GABBR2: variants seen among roughly 807,000 people sequenced by gnomAD.
GABBR2 encodes gamma-aminobutyric acid type B receptor subunit 2, also known as G-protein coupled receptor 51.
GABBR2 carries 23 observed loss-of-function variants against 105.6 expected under a neutral mutation model. The ratio of observed to expected loss-of-function variants is 0.22; its 90% confidence interval spans 0.16 to 0.31. GABBR2 has a LOEUF of 0.31. GABBR2 is among the 10% of genes least tolerant of loss of function. The pLI is 1.00. For missense variants in GABBR2, 734 were observed against 1,245.5 expected, an observed-to-expected ratio of 0.59 and a Z score of 6.18; for synonymous variants, 478 against 499.7, an observed-to-expected ratio of 0.96 and a Z score of 0.58.
chr9:98,414,946 A>C (rs1832661510), intron 7 of GABBR2, among the ~76,000 whole-genome samples: 1 of 152,262 alleles, frequency 6.6e-6, no homozygotes, highest in African/African-American at 2.4e-5. Flanking sequence ...AAAGGCTAAC[A>C]ACCAGAAGGA....
At chr9:98,377,284 C>G (rs1471993663) in intron 11 of GABBR2, among the ~76,000 whole-genome samples, 6 of 152,054 alleles carry the variant, frequency 3.9e-5, no homozygotes, top group Admixed American at 1.3e-4. Flanking sequence ...GCTCTGTGGA[C>G]AGAAGACGTG....
rs560653816 is a variant in GABBR2, at chr9:98,454,616, A to C, written c.1000-399T>G. ...ATGTTAAAGTTATAGCATATGAACAAACTGTTCAAAAATATTCTCTATCTC... is the reference window on the plus strand; with the variant it reads ...ATGTTAAAGTTATAGCATATGAACACACTGTTCAAAAATATTCTCTATCTC... On this transcript the variant is annotated intron_variant, in intron 6 of 18. Coordinates refer to ENST00000259455, the MANE Select transcript of GABBR2 (RefSeq NM_005458.8). This position sits in a 1 kb window ranked among gnomAD's most constrained non-coding sequence, Gnocchi z 4.6. Among the ~76,000 whole-genome samples, 7 of 152,290 alleles carry C rather than the reference A, an allele frequency of 4.6e-5. No homozygotes were observed. Among genetic ancestry groups the C allele is most frequent in the Non-Finnish European group, 1.0e-4 (7 of 68,014 alleles).
intron 4 of GABBR2, among the ~76,000 whole-genome samples, chr9:98,487,615 T>C (rs551025118): frequency 1.3e-4 from 19 of 150,000 alleles, no homozygotes; most frequent in Non-Finnish European, 2.7e-4. Context: ...TCTCTACAAA[T>C]ATATATATAT....
intron 17 of GABBR2, among the ~76,000 whole-genome samples, chr9:98,297,252 A>C (rs961800482): frequency 3.3e-5 from 5 of 152,156 alleles, no homozygotes; most frequent in African/African-American, 1.2e-4. Context: ...TTTTGCAATA[A>C]CCATGTTATA....
chr9:98,333,688 C>A (rs1831066656), intron 13 of GABBR2, among the ~76,000 whole-genome samples: 1 of 152,288 alleles, frequency 6.6e-6, no homozygotes, highest in Non-Finnish European at 1.5e-5. Context: ...GCAAATAAGG[C>A]CACATTTCAC....
chr9:98,307,601 C>T (rs1830571610), intron 14 of GABBR2, among the ~76,000 whole-genome samples: 1 of 152,160 alleles, frequency 6.6e-6, no homozygotes, highest in Non-Finnish European at 1.5e-5. Flanking sequence ...CAGGGCTGGA[C>T]ACAAGGCCAG....
chr9:98,618,588 A>G (rs1241090779), intron 1 of GABBR2, among the ~76,000 whole-genome samples: 3 of 139,006 alleles, frequency 2.2e-5, no homozygotes, highest in Non-Finnish European at 3.1e-5. Context: ...CTCTCTGTCT[A>G]TCTCTGTCAC....
At chr9:98,631,439 C>T (rs2131828900) in intron 1 of GABBR2, among the ~76,000 whole-genome samples, 1 of 152,270 alleles carries the variant, frequency 6.6e-6, no homozygotes, top group Middle Eastern at 3.4e-3. Context: ...CTGCTATGTG[C>T]CAGCAACTAT....
At chr9:98,423,225 C>A (rs972842190) in intron 7 of GABBR2, among the ~76,000 whole-genome samples, 1 of 152,204 alleles carries the variant, frequency 6.6e-6, no homozygotes, top group Non-Finnish European at 1.5e-5. Context: ...TACAGTCCCA[C>A]CAACAGTGTA....
chr9:98,418,191 T>C (rs1014798578), intron 7 of GABBR2, among the ~76,000 whole-genome samples: 28 of 151,908 alleles, frequency 1.8e-4, no homozygotes, highest in African/African-American at 6.5e-4. Context: ...TGGGAAGCTG[T>C]GGAATCCATG....
intron 8 of GABBR2, among the ~76,000 whole-genome samples, chr9:98,396,885 G>A (rs575190853): frequency 1.3e-4 from 20 of 152,106 alleles, no homozygotes; most frequent in Non-Finnish European, 2.4e-4. Flanking sequence ...CCCACCGACC[G>A]TAATCACCAT....
Position 98,306,233 on chromosome 9 carries a change from C to A in GABBR2, c.2117G>T (p.Gly706Val). The A allele has an allele frequency of 1.2e-6, 2 of 1,614,138 alleles. No individual in the cohort carries two copies. Among genetic ancestry groups the A allele is most frequent in the Non-Finnish European group, 1.7e-6 (2 of 1,179,998 alleles). ...VYNVGIMCII[G>V]AAVSFLTRDQ... ...CCGGGTCAGGAAGGAGACAGCGGCC[C>A]CGATGATGCACATGATCCCCACGTT... Residue 706 changes from glycine to valine, a missense_variant, in exon 15 of 19, where the codon GGG becomes GTG. Gly to Val is a moderately radical substitution (Grantham distance 109). Transcript: ENST00000259455. The surrounding 1 kb of genome is among the most constrained non-coding windows in gnomAD (Gnocchi z 5.4).
chr9:98,559,797 A>T lies in GABBR2; in HGVS notation c.460-17754T>A, dbSNP rs145483751. 5.3e-5 allele frequency among the ~76,000 whole-genome samples: 8 copies of T among 152,326 alleles called. No individual in the cohort carries two copies. In the East Asian group the frequency reaches 1.5e-3, roughly 29 times the overall value. On this transcript the variant is annotated intron_variant, in intron 2 of 18. Transcript: ENST00000259455. ...TGTCCATCAGTAGAGGACTGGCTGT[A>T]CAAACTACAGTACATCCATACAAAG... is the stretch of plus-strand genomic sequence containing the variant.
At chr9:98,298,789 G>A (rs1830422123) in intron 17 of GABBR2, among the ~76,000 whole-genome samples, 1 of 152,232 alleles carries the variant, frequency 6.6e-6, no homozygotes, top group African/African-American at 2.4e-5. Flanking sequence ...CAATTCCCAA[G>A]TGGGTGGTGA....
chr9:98,591,003 A>G (rs1829138826), intron 1 of GABBR2, among the ~76,000 whole-genome samples: 1 of 152,254 alleles, frequency 6.6e-6, no homozygotes, highest in Non-Finnish European at 1.5e-5. Flanking sequence ...AGTGACATAC[A>G]GTCTTGGCCA....
chr9:98,306,157 G>A lies in GABBR2; in HGVS notation c.2193C>T (p.Cys731=). The A allele has an allele frequency of 6.2e-7, 1 of 1,614,138 alleles. No individual in the cohort carries two copies. Residue 731 remains cysteine, a synonymous_variant, in exon 15 of 19, where the codon TGC becomes TGT. Coordinates refer to ENST00000259455, the MANE Select transcript of GABBR2 (RefSeq NM_005458.8). The surrounding 1 kb of genome is among the most constrained non-coding windows in gnomAD (Gnocchi z 5.4). ...ATACCAGGCAGAGGGTGATGGTGCT[G>A]CAGAAGATGATGACCAGAGCCACGA... ...FCIVALVIIF[C]STITLCLVFV...
At chr9:98,411,000 T>C (rs1330947853) in intron 7 of GABBR2, among the ~76,000 whole-genome samples, 1 of 152,166 alleles carries the variant, frequency 6.6e-6, no homozygotes, top group East Asian at 1.9e-4. Flanking sequence ...CCCTCTGAAA[T>C]GACTGAAGTG....
intron 1 of GABBR2, among the ~76,000 whole-genome samples, chr9:98,677,579 G>C (rs979746690): frequency 1.3e-5 from 2 of 152,174 alleles, no homozygotes; most frequent in African/African-American, 4.8e-5. Flanking sequence ...AGCAGAGTTT[G>C]GAAAATGGCC....
intron 3 of GABBR2, among the ~76,000 whole-genome samples, chr9:98,501,756 C>T (rs1262113089): frequency 6.6e-6 from 1 of 152,200 alleles, no homozygotes; most frequent in African/African-American, 2.4e-5. Context: ...GGGAAGCAAA[C>T]AGCCAAATGC....
Sources: allele counts gnomAD v4.1 joint callset (sites outside exome capture counted in the v4.1 genomes callset), GRCh38; gene constraint gnomAD v4.1.1; non-coding constraint Gnocchi (gnomAD v3.1); transcripts MANE v1.5; gene names NCBI Gene and HGNC (gene_info 2026-07-23, HGNC 2026-07-21).